The following TEAD2 variants were observed in gnomAD, a reference collection of about 807,000 sequenced individuals.
TEAD2 encodes transcriptional enhancer factor TEF-4.
A neutral mutation model predicts 61.4 loss-of-function variants in TEAD2; 51 were observed. The ratio of observed to expected loss-of-function variants is 0.83; its 90% CI spans 0.66 to 1.05. The LOEUF (loss-of-function observed/expected upper bound fraction) is 1.05. Ranked by LOEUF, TEAD2 falls within the 50% of genes least tolerant of loss-of-function variation. The pLI is 0.00. For missense variants in TEAD2, 509 were observed against 600.0 expected (o/e 0.85, Z 1.58); for synonymous variants, 244 against 243.2 (o/e 1.00, Z -0.03).
chr19:49,340,773 G>A lies in TEAD2; in HGVS notation c.*551C>T, dbSNP rs1415213646. 1.1e-5 allele frequency: 2 copies of A among 185,540 alleles called. No homozygotes were observed. Among genetic ancestry groups the A allele is most frequent in the South Asian group, 1.0e-4 (1 of 9,604 alleles). The allele number at this position is 185,540 out of a possible 1,614,324, so 11.5% of individuals were successfully genotyped here. A position where few individuals can be genotyped will look rare whatever the true frequency, so the allele number is the denominator to read the frequency against. ...CCTAGCACCCACTTATAAATATCTC[G>A]TTATATTAAAAAAAAAAAAAATGTC... On this transcript the variant is annotated 3_prime_UTR_variant, in exon 13 of 13. Transcript: ENST00000593945.
Position 49,360,064 on chromosome 19 carries a change from G to T in TEAD2, c.12C>A (p.Pro4=). 1 of 1,605,664 alleles carries T rather than the reference G, an allele frequency of 6.2e-7. No homozygotes were observed. The change falls in exon 2 of 13, where the codon CCC becomes CCA. Residue 4 remains proline (P), a synonymous_variant. Coordinates refer to ENST00000593945, the MANE Select transcript of TEAD2 (RefSeq NM_001256660.2). MGE[P]RAGAALDDGS... is the part of the protein sequence containing the mutation. Reference sequence around the variant, plus strand: ...CATCGTCCAGGGCGGCCCCAGCCCGGGGTTCCCCCATCTGGGCCTGGAGGA... The same window carrying T: ...CATCGTCCAGGGCGGCCCCAGCCCGTGGTTCCCCCATCTGGGCCTGGAGGA...
Position 49,348,849 on chromosome 19 carries a change from G to GGTC in TEAD2, c.605-5_605-4insGAC. ...AGGGCTTGGGGGGGCTCGTACCCTAGAGAGAGAGAAGAAAGAACAATACAA... is the reference window on the plus strand; with the variant it reads ...AGGGCTTGGGGGGGCTCGTACCCTAGGTCAGAGAGAGAAGAAAGAACAATACAA... On this transcript the variant is annotated splice_polypyrimidine_tract_variant and splice_region_variant and intron_variant, in intron 8 of 12. Transcript: ENST00000593945. 6.6e-7 allele frequency: 1 copy of GGTC among 1,524,584 alleles called. No homozygotes were observed. Among genetic ancestry groups the GGTC allele is most frequent in the South Asian group, 1.3e-5 (1 of 80,000 alleles). 94.4% of individuals were successfully genotyped at this position (1,524,584 alleles called of 1,614,324 possible).
Position 49,359,402 on chromosome 19 carries a change from C to T in TEAD2, c.297+33G>A. The T allele has an allele frequency of 6.2e-7, 1 of 1,612,156 alleles. No individual in the cohort carries two copies. The highest frequency in any genetic ancestry group is 1.1e-5 in the South Asian group (1 of 91,036). On this transcript the variant is annotated intron_variant, in intron 3 of 12. Transcript: ENST00000593945. This position sits in a 1 kb window ranked among gnomAD's most constrained non-coding sequence, Gnocchi z 4.1. Reference sequence around the variant, plus strand: ...GATGACCCTAAGAAGACCGGCCCATCCCAGACAGAAGCCCACAAGTCCATT... The same window carrying T: ...GATGACCCTAAGAAGACCGGCCCATTCCAGACAGAAGCCCACAAGTCCATT...
chr19:49,345,608 C>T (rs1375892640), intron 10 of TEAD2, among the ~76,000 whole-genome samples: 1 of 152,162 alleles, frequency 6.6e-6, no homozygotes. Context: ...CTCGCCTCAG[C>T]TTCCCAAAGT....
chr19:49,355,896 T>G, intron 5 of TEAD2, 63 bp downstream of exon 5: 1 of 1,280,080 alleles, frequency 7.8e-7, no homozygotes, highest in Non-Finnish European at 9.9e-7. Context: ...CCTCTGCCCC[T>G]CCTCAGGGAC....
intron 7 of TEAD2, among the ~76,000 whole-genome samples, chr19:49,353,956 T>TTA (rs1298809393): frequency 0.028 from 3,594 of 129,436 alleles, 163 homozygotes; most frequent in African/African-American, 0.11. Flanking sequence ...AATTGTTTTT[T>TTA]GTTTTTTTTT....
In TEAD2 at chr19:49,353,685, G is replaced by A. The variant is rs1972170705; in HGVS notation, c.539+1463C>T. ...CCCCTGCAAAACCCTCAGCCCCCAG[G>A]TACTTGATCTGATGCTTCCCGTATC... On this transcript the variant is annotated intron_variant, in intron 7 of 12. Transcript: ENST00000593945. Among the ~76,000 whole-genome samples the A allele has an allele frequency of 6.0e-5, 9 of 150,340 alleles. No individual in the cohort carries two copies. The South Asian group carries it at 1.9e-3, about 32-fold the overall frequency.
intron 7 of TEAD2, among the ~76,000 whole-genome samples, chr19:49,352,765 C>T (rs943011766): frequency 2.6e-5 from 4 of 152,062 alleles, no homozygotes; most frequent in African/African-American, 4.8e-5. Context: ...GTCTCGAACT[C>T]CTGACCTCAA....
At chr19:49,352,869 G>A (rs1358328458) in intron 7 of TEAD2, among the ~76,000 whole-genome samples, 4 of 151,762 alleles carry the variant, frequency 2.6e-5, no homozygotes, top group Non-Finnish European at 5.9e-5. Flanking sequence ...TTGTTTATAT[G>A]TTTATTGTCT....
chr19:49,347,500 T>A, intron 9 of TEAD2, 137 bp from the exon 10 acceptor site: 2 of 984,062 alleles, frequency 2.0e-6, no homozygotes, highest in Non-Finnish European at 3.0e-6. Context: ...GCACTGGGCC[T>A]GACTGCCACC....
At chr19:49,357,501 G>T (rs772289606) in intron 3 of TEAD2, 187 bp from the exon 4 acceptor site, 5 of 651,676 alleles carry the variant, frequency 7.7e-6, no homozygotes, top group Non-Finnish European at 1.4e-5. Context: ...GAACACCACG[G>T]ACCCTCCCGG....
chr19:49,349,015 C>T (rs761442888), intron 8 of TEAD2, 170 bp from the exon 9 acceptor site: 9 of 731,526 alleles, frequency 1.2e-5, no homozygotes, highest in Admixed American at 7.6e-5. Context: ...GCCAATGAGA[C>T]GTTAGGGGAA....
At position 49,347,335 on chromosome 19, in the gene TEAD2, C is replaced by A; in HGVS notation, c.776G>T (p.Ser259Ile). The A allele has an allele frequency of 6.2e-7, 1 of 1,611,766 alleles. No homozygotes were observed. The change falls in exon 10 of 13, where the codon AGC becomes ATC. Residue 259 changes from serine to isoleucine, a missense_variant. By Grantham distance (142) the Ser-to-Ile change is moderately radical. Coordinates refer to ENST00000593945, the MANE Select transcript of TEAD2 (RefSeq NM_001256660.2). Reference sequence around the variant, plus strand: ...CGCTCCGGGGCTGGGGCAGTGCTGGCTGATGTGCACGAACAGGTGCCTCTG... The same window carrying A: ...CGCTCCGGGGCTGGGGCAGTGCTGGATGATGTGCACGAACAGGTGCCTCTG... ...SYQRHLFVHI[S>I]QHCPSPGAPP...
intron 4 of TEAD2, 56 bp downstream of exon 4, chr19:49,357,196 C>T (rs914656736): frequency 1.4e-5 from 21 of 1,547,092 alleles, no homozygotes; most frequent in Admixed American, 5.2e-5. Context: ...TTCTGGGTCT[C>T]GGTCCCCCAC....
chr19:49,356,242 A>G (rs1972383622), intron 4 of TEAD2: 1 of 356,338 alleles, frequency 2.8e-6, no homozygotes, highest in Non-Finnish European at 5.0e-6. Context: ...GGAAATGAGA[A>G]TTTCAGAGCC....
chr19:49,359,790 T>A lies in TEAD2; in HGVS notation c.232+54A>T, dbSNP rs2146650139. The A allele has an allele frequency of 1.9e-6, 3 of 1,565,024 alleles. No individual in the cohort carries two copies. The East Asian group carries it at 6.7e-5, about 35-fold the overall frequency. On this transcript the variant is annotated intron_variant, in intron 2 of 12. Coordinates refer to ENST00000593945, the MANE Select transcript of TEAD2 (RefSeq NM_001256660.2). The surrounding 1 kb of genome is among the most constrained non-coding windows in gnomAD (Gnocchi z 4.1). ...CTTCAGAGTGCTCCATAAACCTTGG[T>A]TACTGTCATTATTCATCAGTGGGGG...
intron 7 of TEAD2, among the ~76,000 whole-genome samples, chr19:49,352,380 T>A (rs1972079921): frequency 6.6e-6 from 1 of 152,162 alleles, no homozygotes. Context: ...GTCACAGCCC[T>A]AGTAGCCCAA....
chr19:49,346,117 A>T (rs1408096105), intron 10 of TEAD2, among the ~76,000 whole-genome samples: 1 of 148,872 alleles, frequency 6.7e-6, no homozygotes, highest in Non-Finnish European at 1.5e-5. Context: ...GTGAGCCGAG[A>T]TCGCACCATT....
intron 4 of TEAD2, 74 bp downstream of exon 4, chr19:49,357,178 C>A: frequency 7.0e-7 from 1 of 1,426,532 alleles, no homozygotes; most frequent in East Asian, 2.6e-5. Flanking sequence ...GGGTCTCTGT[C>A]CCTCTCTTTC....
Sources: allele counts gnomAD v4.1 joint callset (sites outside exome capture counted in the v4.1 genomes callset), GRCh38; gene constraint gnomAD v4.1.1; non-coding constraint Gnocchi (gnomAD v3.1); transcripts MANE v1.5; gene names NCBI Gene and HGNC (gene_info 2026-07-23, HGNC 2026-07-21).